BMP5: variants seen among roughly 807,000 people sequenced by gnomAD.
BMP5 encodes the protein bone morphogenetic protein 5.
In BMP5, 23 loss-of-function variants were observed where a neutral mutation model predicts 46.6. The observed-to-expected ratio is 0.49, with a 90% CI of 0.35 to 0.70. BMP5 has a LOEUF of 0.70. Among genes scored for constraint, BMP5 ranks in the 30% least tolerant of loss-of-function variants. BMP5 has a pLI of 0.00. For missense variants in BMP5, 545 were observed against 565.6 expected (o/e 0.96, Z 0.37); for synonymous variants, 204 against 191.9 (o/e 1.06, Z -0.52).
At chr6:55,778,217 AG>A (rs1182235309) in intron 3 of BMP5, among the ~76,000 whole-genome samples, 1 of 152,002 alleles carries the variant, frequency 6.6e-6, no homozygotes, top group African/African-American at 2.4e-5. Flanking sequence ...CACTGGAAAG[AG>A]GGTAGGGATG....
chr6:55,799,276 C>T (rs1375416797), intron 2 of BMP5, among the ~76,000 whole-genome samples: 1 of 152,116 alleles, frequency 6.6e-6, no homozygotes, highest in African/African-American at 2.4e-5. Context: ...ACAAATGTCT[C>T]TAAATTGCTT....
chr6:55,866,778 G>A (rs538718899), intron 1 of BMP5, among the ~76,000 whole-genome samples: 1 of 152,150 alleles, frequency 6.6e-6, no homozygotes, highest in East Asian at 1.9e-4. Context: ...TATATCACCT[G>A]AAATTATTGA....
chr6:55,809,955 A>G (rs1354363413), intron 2 of BMP5, among the ~76,000 whole-genome samples: 1 of 152,160 alleles, frequency 6.6e-6, no homozygotes, highest in African/African-American at 2.4e-5. Flanking sequence ...ATAGCTTATC[A>G]AGTCCAATAA....
intron 2 of BMP5, among the ~76,000 whole-genome samples, chr6:55,796,721 A>G (rs889179304): frequency 2.1e-4 from 28 of 135,184 alleles, no homozygotes; most frequent in Admixed American, 1.3e-3. Flanking sequence ...TCATTGTTCA[A>G]TTCTCACCTA....
intron 3 of BMP5, among the ~76,000 whole-genome samples, chr6:55,774,893 T>A (rs1775136885): frequency 6.6e-6 from 1 of 151,944 alleles, no homozygotes. Flanking sequence ...CTGATAATTA[T>A]CAATATGAAG....
chr6:55,873,173 C>T (rs3798822), intron 1 of BMP5, among the ~76,000 whole-genome samples: 1 of 151,654 alleles, frequency 6.6e-6, no homozygotes, highest in Non-Finnish European at 1.5e-5. Context: ...ATAAAAGCAT[C>T]CATGTGTTAT....
chr6:55,867,324 C>T (rs1349212933), intron 1 of BMP5, among the ~76,000 whole-genome samples: 1 of 152,056 alleles, frequency 6.6e-6, no homozygotes, highest in Admixed American at 6.6e-5. Flanking sequence ...GTAACTATGC[C>T]CCCTGCCCAG....
intron 1 of BMP5, among the ~76,000 whole-genome samples, chr6:55,851,420 G>A (rs1468509774): frequency 2.0e-5 from 3 of 152,106 alleles, no homozygotes; most frequent in African/African-American, 4.8e-5. Context: ...AGATAGGCAG[G>A]AGCAGTAGAC....
intron 1 of BMP5, among the ~76,000 whole-genome samples, chr6:55,855,891 G>C (rs1189443626): frequency 6.6e-6 from 1 of 151,960 alleles, no homozygotes; most frequent in Non-Finnish European, 1.5e-5. Flanking sequence ...ATACTTGATT[G>C]TAAACACGGC....
chr6:55,788,637 C>T (rs1775504316), intron 3 of BMP5, among the ~76,000 whole-genome samples: 1 of 151,830 alleles, frequency 6.6e-6, no homozygotes. Flanking sequence ...TATTTGTGCC[C>T]TACCATGTGC....
At chr6:55,868,615 T>C (rs1260666306) in intron 1 of BMP5, among the ~76,000 whole-genome samples, 1 of 152,204 alleles carries the variant, frequency 6.6e-6, no homozygotes, top group Non-Finnish European at 1.5e-5. Flanking sequence ...TTTTCATAGA[T>C]TTTGTTTCTG....
chr6:55,832,472 T>C (rs927876716), intron 1 of BMP5, among the ~76,000 whole-genome samples: 1 of 152,174 alleles, frequency 6.6e-6, no homozygotes, highest in Admixed American at 6.6e-5. Context: ...GCTGTGTTTA[T>C]CTCGTCCTCT....
chr6:55,760,197 C>CT (rs1309477334), intron 5 of BMP5, among the ~76,000 whole-genome samples: 2 of 151,764 alleles, frequency 1.3e-5, no homozygotes, highest in South Asian at 2.1e-4. Flanking sequence ...CAACGGCACT[C>CT]TTTTTTTTCT....
intron 1 of BMP5, among the ~76,000 whole-genome samples, chr6:55,869,914 T>A (rs987039777): frequency 1.3e-5 from 2 of 152,078 alleles, no homozygotes; most frequent in Non-Finnish European, 1.5e-5. Flanking sequence ...TTCAACTAAT[T>A]TAAGCCTCTA....
In BMP5 at chr6:55,780,667, T is replaced by C. The variant is rs750300462; in HGVS notation, c.833-6424A>G. Among the ~76,000 whole-genome samples, 33 of 152,094 alleles carry C rather than the reference T, an allele frequency of 2.2e-4. No individual in the cohort carries two copies. The Middle Eastern group carries it at 0.014, about 63-fold the overall frequency. Reference sequence around the variant, plus strand: ...GATACTGTCGTGCCCCACAGTTTGATAAAGTGACGGGGCTTAGAAAAGAAA... The same window carrying C: ...GATACTGTCGTGCCCCACAGTTTGACAAAGTGACGGGGCTTAGAAAAGAAA... On this transcript the variant is annotated intron_variant, in intron 3 of 6. Transcript: ENST00000370830.
intron 1 of BMP5, among the ~76,000 whole-genome samples, chr6:55,867,217 G>T: frequency 6.6e-6 from 1 of 151,968 alleles, no homozygotes; most frequent in East Asian, 1.9e-4. Context: ...TATCCCCCCC[G>T]CTGAGTATCT....
intron 4 of BMP5, among the ~76,000 whole-genome samples, chr6:55,773,754 T>C (rs1441211551): frequency 6.6e-6 from 1 of 151,950 alleles, no homozygotes; most frequent in Admixed American, 6.6e-5. Context: ...CAGCAAGTCA[T>C]GTAGCTCAGT....
At chr6:55,837,310 CTCTT>C (rs1176157269) in intron 1 of BMP5, among the ~76,000 whole-genome samples, 6 of 149,918 alleles carry the variant, frequency 4.0e-5, no homozygotes, top group South Asian at 4.2e-4. Flanking sequence ...AAAAAAATGA[CTCTT>C]TATATCCTTA....
At chr6:55,872,466 G>A (rs1176282546) in intron 1 of BMP5, among the ~76,000 whole-genome samples, 1 of 151,494 alleles carries the variant, frequency 6.6e-6, no homozygotes, top group Non-Finnish European at 1.5e-5. Flanking sequence ...AAACTGCTAT[G>A]TTATTATAAT....
Sources: gnomAD v4.1 joint callset for allele counts (sites outside exome capture counted in the v4.1 genomes callset) on GRCh38, gnomAD v4.1.1 for gene constraint, MANE v1.5 for transcripts, NCBI Gene and HGNC (gene_info 2026-07-23, HGNC 2026-07-21) for gene names.